The following LPXN variants were observed in gnomAD, a reference collection of about 807,000 sequenced individuals.
LPXN encodes leupaxin.
Under a neutral mutation model 45.6 loss-of-function variants are expected in LPXN, and 28 were observed. The observed-to-expected ratio is 0.61, with a 90% CI of 0.45 to 0.84. The LOEUF (loss-of-function observed/expected upper bound fraction) is 0.84, where lower values mean the gene tolerates loss of function less well. Ranked by LOEUF, LPXN falls within the 40% of genes least tolerant of loss-of-function variation. LPXN has a pLI of 0.00. For missense variants in LPXN, 459 were observed against 475.0 expected (o/e 0.97, Z 0.31); for synonymous variants, 166 against 169.9 (o/e 0.98, Z 0.18).
At chr11:58,529,959 G>A (rs948137037) in intron 7 of LPXN, among the ~76,000 whole-genome samples, 10 of 152,146 alleles carry the variant, frequency 6.6e-5, no homozygotes, top group Admixed American at 4.6e-4. Flanking sequence ...TCCTAACAAA[G>A]AGAAGCCATT....
chr11:58,543,839 A>G (rs1853802433), intron 7 of LPXN, among the ~76,000 whole-genome samples: 1 of 152,182 alleles, frequency 6.6e-6, no homozygotes, highest in Non-Finnish European at 1.5e-5. Flanking sequence ...GTGTTCTGTA[A>G]AGCAGACTAT....
At chr11:58,536,813 G>GA (rs888757776) in intron 7 of LPXN, among the ~76,000 whole-genome samples, 19 of 141,098 alleles carry the variant, frequency 1.3e-4, no homozygotes, top group Admixed American at 9.2e-4. Context: ...AAATTTACAA[G>GA]AAAAAAAAAC....
chr11:58,527,929 G>C (rs145782379), intron 8 of LPXN, 114 bp downstream of exon 8: 1 of 1,272,802 alleles, frequency 7.9e-7, no homozygotes, highest in Non-Finnish European at 1.1e-6. Context: ...TTTAGGATGC[G>C]CACATCCATT....
At chr11:58,533,078 G>A (rs548409972) in intron 7 of LPXN, among the ~76,000 whole-genome samples, 8 of 152,198 alleles carry the variant, frequency 5.3e-5, no homozygotes, top group Admixed American at 2.0e-4. Context: ...TGAAGCCAGC[G>A]AAACCACAAA....
At chr11:58,570,800 C>T in intron 1 of LPXN, 87 bp from the exon 2 acceptor site, 2 of 917,358 alleles carry the variant, frequency 2.2e-6, no homozygotes, top group South Asian at 5.1e-5. Context: ...ACTGTGCCCA[C>T]ATTCATCTCC....
chr11:58,554,798 A>T (rs752196481), intron 4 of LPXN, 43 bp downstream of exon 4: 1 of 1,513,004 alleles, frequency 6.6e-7, no homozygotes. Context: ...TATCATCTGG[A>T]CTGCACTCAC....
intron 7 of LPXN, among the ~76,000 whole-genome samples, chr11:58,536,072 T>C (rs920592906): frequency 6.6e-5 from 10 of 152,168 alleles, no homozygotes; most frequent in African/African-American, 2.2e-4. Context: ...ATCGTGAAAA[T>C]GGCCATACTG....
intron 7 of LPXN, among the ~76,000 whole-genome samples, chr11:58,543,780 G>C (rs1257923744): frequency 2.0e-5 from 3 of 152,120 alleles, no homozygotes; most frequent in Non-Finnish European, 2.9e-5. Flanking sequence ...GTAAATATGA[G>C]AGTTCTACCT....
rs750245507 is a variant in LPXN, at chr11:58,550,159, A to C, written c.487-13T>G. 1.2e-6 allele frequency: 2 copies of C among 1,608,214 alleles called. No homozygotes were observed. Among genetic ancestry groups the C allele is most frequent in the East Asian group, 4.5e-5 (2 of 44,662 alleles). ...GAGCATGGATCACCTGTGGAGTGAAATAAAGCCTGACACAGGAGGCCAGTT... is the reference window on the plus strand; with the variant it reads ...GAGCATGGATCACCTGTGGAGTGAACTAAAGCCTGACACAGGAGGCCAGTT... On this transcript the variant is annotated splice_polypyrimidine_tract_variant and intron_variant, in intron 5 of 8. Transcript: ENST00000395074.
Position 58,527,339 on chromosome 11 carries a change from T to C in LPXN, c.*115A>G, listed in dbSNP as rs950120238. 11 of 1,067,040 alleles carry C rather than the reference T, an allele frequency of 1.0e-5. No individual in the cohort carries two copies. Among genetic ancestry groups the C allele is most frequent in the Middle Eastern group, 2.1e-4 (1 of 4,680 alleles). 66.1% of individuals were successfully genotyped at this position (1,067,040 alleles called of 1,614,324 possible). On this transcript the variant is annotated 3_prime_UTR_variant, in exon 9 of 9. Transcript: ENST00000395074. ...AGTTCCTTTATTTGCTCATCACCTT[T>C]CCTTTTTCTATAAGACTATTAAGCA...
rs778550473 is a variant in LPXN at position 58,575,794 on chromosome 11, T to C, written c.-22A>G. On this transcript the variant is annotated 5_prime_UTR_variant, in exon 1 of 9. Coordinates refer to ENST00000395074, the MANE Select transcript of LPXN (RefSeq NM_004811.3). The stretch of plus-strand genomic sequence containing the variant: ...CCATTGTCCTACATCCAAGATGCTC[T>C]TGTCTCACAGGCCGTGAGGAACAGC... The C allele has an allele frequency of 2.6e-5, 42 of 1,612,790 alleles. No individual in the cohort carries two copies. The highest frequency in any genetic ancestry group is 8.5e-7 in the Non-Finnish European group (1 of 1,179,848).
chr11:58,565,594 A>C (rs543409162), intron 2 of LPXN, among the ~76,000 whole-genome samples: 3 of 152,272 alleles, frequency 2.0e-5, no homozygotes, highest in South Asian at 4.1e-4. Context: ...GTGGACCTAT[A>C]AGATAATTCT....
chr11:58,578,649 G>A (rs1348799365), upstream of LPXN, among the ~76,000 whole-genome samples: 3 of 152,166 alleles, frequency 2.0e-5, no homozygotes, highest in African/African-American at 7.2e-5. Context: ...GCGGAAGAAC[G>A]CCCAGGCTAC....
intron 7 of LPXN, among the ~76,000 whole-genome samples, chr11:58,537,806 T>C (rs966609346): frequency 6.6e-6 from 1 of 152,004 alleles, no homozygotes; most frequent in Non-Finnish European, 1.5e-5. Flanking sequence ...AGTTTTAGGG[T>C]ACATGTGCAC....
rs560695167 is a variant in LPXN at position 58,546,355 on chromosome 11, G to A, written c.742+3431C>T. Among the ~76,000 whole-genome samples the A allele has an allele frequency of 3.9e-5, 6 of 151,980 alleles. No homozygotes were observed. The South Asian group carries it at 1.0e-3, about 26-fold the overall frequency. On this transcript the variant is annotated intron_variant, in intron 7 of 8. Transcript: ENST00000395074. Reference sequence around the variant, plus strand: ...AGAAAGTTAGATGCCTTATCTTACCGTAAGATGCAATGATTATTTCTGTAA... The same window carrying A: ...AGAAAGTTAGATGCCTTATCTTACCATAAGATGCAATGATTATTTCTGTAA...
At chr11:58,539,948 G>T (rs192276823) in intron 7 of LPXN, among the ~76,000 whole-genome samples, 1 of 152,016 alleles carries the variant, frequency 6.6e-6, no homozygotes, top group Non-Finnish European at 1.5e-5. Flanking sequence ...TAGAGGGATC[G>T]GGATGACACT....
chr11:58,570,479 T>C lies in LPXN; in HGVS notation c.171+77A>G, dbSNP rs534130464. 6.3e-5 allele frequency: 70 copies of C among 1,107,838 alleles called. 1 individual carries two copies. The South Asian group carries it at 1.2e-3, about 19-fold the overall frequency. 68.6% of individuals were successfully genotyped at this position (1,107,838 alleles called of 1,614,324 possible). ...ATATATTATTCTCCTTTCATATTAT[T>C]TTATGTGGGATTCTGTTAATTTTCA... On this transcript the variant is annotated intron_variant, in intron 2 of 8. Transcript: ENST00000395074.
At position 58,554,876 on chromosome 11, in the gene LPXN, C is replaced by T; in HGVS notation, c.283G>A (p.Glu95Lys). Residue 95 changes from glutamate (E) to lysine (K), a missense_variant, in exon 4 of 9, where the codon GAG becomes AAG. By Grantham distance (56) the Glu-to-Lys change is moderately conservative (BLOSUM62 1). Transcript: ENST00000395074. ...SKTSAAAQLD[E>K]LMAHLTEMQA... ...ATCTCAGTCAGGTGAGCCATGAGCT[C>T]ATCCAACTGAGCAGCTGCTGACGTT... 6.2e-7 allele frequency: 1 copy of T among 1,614,054 alleles called. No individual in the cohort carries two copies. Among genetic ancestry groups the T allele is most frequent in the Non-Finnish European group, 8.5e-7 (1 of 1,180,000 alleles).
At chr11:58,531,198 T>C (rs1327879025) in intron 7 of LPXN, among the ~76,000 whole-genome samples, 1 of 152,076 alleles carries the variant, frequency 6.6e-6, no homozygotes, top group Admixed American at 6.5e-5. Context: ...GGATGAAGAA[T>C]GAGTCTGACG....
Sources: allele counts gnomAD v4.1 joint callset (sites outside exome capture counted in the v4.1 genomes callset), GRCh38; gene constraint gnomAD v4.1.1; transcripts MANE v1.5; gene names NCBI Gene and HGNC (gene_info 2026-07-23, HGNC 2026-07-21).